BRD3: variants seen among roughly 807,000 people sequenced by gnomAD.
BRD3 encodes bromodomain-containing protein 3.
BRD3 carries 17 observed loss-of-function variants against 66.8 expected under a neutral mutation model. The observed-to-expected ratio is 0.25, with a 90% CI of 0.17 to 0.38. The LOEUF (loss-of-function observed/expected upper bound fraction) is 0.38, where lower values mean the gene tolerates loss of function less well. BRD3 is among the 10% of genes least tolerant of loss of function. The pLI, the probability that BRD3 is intolerant of heterozygous loss-of-function variation, is 1.00. For synonymous variants in BRD3, 421 were observed against 393.2 expected (o/e 1.07, Z -0.84); for missense variants, 713 against 956.1 (o/e 0.75, Z 3.35).
Position 134,051,893 on chromosome 9 carries a change from T to G in BRD3, c.352-184A>C, listed in dbSNP as rs1337750267. ...TGTGTGTGTGTTGTTTTTTTTGTTTTTTTTTTTTTTTTTTTGAGATGGAGT... is the reference window on the plus strand; with the variant it reads ...TGTGTGTGTGTTGTTTTTTTTGTTTGTTTTTTTTTTTTTTTGAGATGGAGT... On this transcript the variant is annotated intron_variant, in intron 3 of 11. Transcript: ENST00000303407. Among the ~76,000 whole-genome samples, 98 of 108,450 alleles carry G rather than the reference T, an allele frequency of 9.0e-4. 1 individual carries two copies. The highest frequency in any genetic ancestry group is 1.3e-3 in the Non-Finnish European group (71 of 54,064). The allele number at this position is 108,450 out of a possible 152,430, so 71.1% of individuals were successfully genotyped here. A position where few individuals can be genotyped will look rare whatever the true frequency, so the allele number is the denominator to read the frequency against.
intron 1 of BRD3, among the ~76,000 whole-genome samples, chr9:134,062,988 T>C (rs931110763): frequency 5.9e-5 from 9 of 152,150 alleles, no homozygotes; most frequent in African/African-American, 2.2e-4. Flanking sequence ...CTAGCATCCA[T>C]CTGTCTGCTC....
At chr9:134,039,993 G>T in intron 9 of BRD3, 41 bp downstream of exon 9, 1 of 1,554,336 alleles carries the variant, frequency 6.4e-7, no homozygotes, top group South Asian at 1.2e-5. Context: ...ATGGCGTGCT[G>T]AGCGCTGGGC....
At chr9:134,065,549 C>A (rs971559100) in intron 1 of BRD3, among the ~76,000 whole-genome samples, 2 of 152,178 alleles carry the variant, frequency 1.3e-5, no homozygotes, top group African/African-American at 4.8e-5. Context: ...GCGTTAACTG[C>A]TTTGAAAACC....
At chr9:134,037,906 T>C (rs1386478470) in intron 9 of BRD3, among the ~76,000 whole-genome samples, 2 of 152,146 alleles carry the variant, frequency 1.3e-5, no homozygotes, top group Non-Finnish European at 1.5e-5. Flanking sequence ...TGTCCATAAG[T>C]TTGACAATCC....
rs1331914239 is a variant in BRD3 at position 134,040,204 on chromosome 9, C to A, written c.1473G>T (p.Lys491Asn). ...TCTTCTCCTTCTCCTTCTTCTCCTTCTTCTTCTTTGGTTTGTTTACTGGGG... is the reference window on the plus strand; with the variant it reads ...TCTTCTCCTTCTCCTTCTTCTCCTTATTCTTCTTTGGTTTGTTTACTGGGG... Reference protein sequence around the residue: ...SQAPVNKPKKKKEKKEKEKKK... With the variant: ...SQAPVNKPKKNKEKKEKEKKK... Residue 491 changes from lysine to asparagine, a missense_variant, in exon 9 of 12, where the codon AAG becomes AAT. Coordinates refer to ENST00000303407, the MANE Select transcript of BRD3 (RefSeq NM_007371.4). The A allele has an allele frequency of 6.3e-7, 1 of 1,581,010 alleles. No individual in the cohort carries two copies. The highest frequency in any genetic ancestry group is 2.3e-5 in the East Asian group (1 of 43,516).
intron 1 of BRD3, among the ~76,000 whole-genome samples, chr9:134,064,530 T>C (rs1830607672): frequency 6.6e-6 from 1 of 151,744 alleles, no homozygotes; most frequent in African/African-American, 2.4e-5. Context: ...AACAGAGTGA[T>C]ACTCTGTCTC....
chr9:134,032,762 G>A lies in BRD3; in HGVS notation c.*828C>T, dbSNP rs1270793004. On this transcript the variant is annotated 3_prime_UTR_variant, in exon 12 of 12. Coordinates refer to ENST00000303407, the MANE Select transcript of BRD3 (RefSeq NM_007371.4). ...AAGGGTGGCGCGGCAGCAGCAGCAG[G>A]GGCAGCGCTAGCCAGGCGGGGACTC... 3 of 245,772 alleles carry A rather than the reference G, an allele frequency of 1.2e-5. No individual in the cohort carries two copies. The highest frequency in any genetic ancestry group is 5.9e-5 in the East Asian group (1 of 16,834). The allele number at this position is 245,772 out of a possible 1,614,324, so 15.2% of individuals were successfully genotyped here.
intron 5 of BRD3, 89 bp downstream of exon 5, chr9:134,050,285 T>C (rs1038293467): frequency 6.1e-6 from 8 of 1,305,966 alleles, no homozygotes; most frequent in Non-Finnish European, 8.6e-6. Flanking sequence ...CAGGGAAAGG[T>C]GGGGGCCCCC....
chr9:134,052,649 A>G (rs1385209448), intron 2 of BRD3, among the ~76,000 whole-genome samples: 1 of 152,130 alleles, frequency 6.6e-6, no homozygotes, highest in Admixed American at 6.5e-5. Context: ...TCCAGACCCC[A>G]AGCATGTGCA....
chr9:134,059,204 C>A (rs1215158961), intron 1 of BRD3, among the ~76,000 whole-genome samples: 1 of 152,212 alleles, frequency 6.6e-6, no homozygotes, highest in Non-Finnish European at 1.5e-5. Context: ...CCCAGAGCTG[C>A]CCCCGCCCGC....
chr9:134,067,792 G>T (rs1179951024), intron 1 of BRD3, among the ~76,000 whole-genome samples, 153 bp downstream of exon 1: 7 of 144,278 alleles, frequency 4.9e-5, no homozygotes, highest in Non-Finnish European at 1.1e-4. Flanking sequence ...CAAAGGCGGC[G>T]GCGGCGGCGG....
At chr9:134,039,098 T>C (rs938338852) in intron 9 of BRD3, among the ~76,000 whole-genome samples, 7 of 152,086 alleles carry the variant, frequency 4.6e-5, no homozygotes, top group Non-Finnish European at 8.8e-5. Flanking sequence ...GGCCTGGCCA[T>C]GCCGCCTCCC....
chr9:134,033,456 G>A lies in BRD3; in HGVS notation c.*134C>T, dbSNP rs1201949622. The A allele has an allele frequency of 6.9e-6, 4 of 582,308 alleles. No homozygotes were observed. In the African/African-American group the frequency reaches 7.5e-5, roughly 11 times the overall value. The allele number at this position is 582,308 out of a possible 1,614,324, so 36.1% of individuals were successfully genotyped here. A position where few individuals can be genotyped will look rare whatever the true frequency, so the allele number is the denominator to read the frequency against. ...CTCTGACCTATGAAAGCAAAAACTG[G>A]AAGATATCATAACACTGAATTAAGA... On this transcript the variant is annotated 3_prime_UTR_variant, in exon 12 of 12. Coordinates refer to ENST00000303407, the MANE Select transcript of BRD3 (RefSeq NM_007371.4). This position sits in a 1 kb window ranked among gnomAD's most constrained non-coding sequence, Gnocchi z 5.1.
upstream of BRD3, chr9:134,068,182 G>GCCCCCGCCC (rs1830713911): frequency 6.9e-6 from 1 of 144,212 alleles, no homozygotes. Flanking sequence ...CCGCCCCGGG[G>GCCCCCGCCC]GCCCCCGCCC....
At chr9:134,049,425 G>A (rs954054936) in intron 5 of BRD3, among the ~76,000 whole-genome samples, 2 of 152,214 alleles carry the variant, frequency 1.3e-5, no homozygotes, top group African/African-American at 4.8e-5. Flanking sequence ...GCCCAGCCAA[G>A]CCGCCGCCCT....
At chr9:134,059,704 G>A (rs1830498406) in intron 1 of BRD3, among the ~76,000 whole-genome samples, 1 of 152,214 alleles carries the variant, frequency 6.6e-6, no homozygotes. Flanking sequence ...CTGTGAGCAT[G>A]TACAGTGCAG....
intron 9 of BRD3, among the ~76,000 whole-genome samples, chr9:134,038,194 G>T (rs189511466): frequency 2.0e-5 from 3 of 151,820 alleles, no homozygotes; most frequent in Non-Finnish European, 4.4e-5. Context: ...TTGCTCTGTC[G>T]CCCAGGCTGG....
At position 134,031,115 on chromosome 9, in the gene BRD3, G is replaced by A. The variant is rs1843504995; in HGVS notation, c.*2475C>T. 3 of 229,170 alleles carry A rather than the reference G, an allele frequency of 1.3e-5. No homozygotes were observed. The South Asian group carries it at 5.5e-4, about 42-fold the overall frequency. The allele number at this position is 229,170 out of a possible 1,614,324, so 14.2% of individuals were successfully genotyped here. The stretch of plus-strand genomic sequence containing the variant: ...TTAAAAAAGTGACAGCACCAATGCA[G>A]CTGCTCAGTGTACCCGCCGTGGGCT... On this transcript the variant is annotated 3_prime_UTR_variant, in exon 12 of 12. Coordinates refer to ENST00000303407, the MANE Select transcript of BRD3 (RefSeq NM_007371.4).
intron 2 of BRD3, among the ~76,000 whole-genome samples, 176 bp downstream of exon 2, chr9:134,053,089 C>T (rs114455205): frequency 0.013 from 1,971 of 152,344 alleles, 31 homozygotes; most frequent in African/African-American, 0.031. Context: ...CACTCTCCCA[C>T]GCCCATGTGG....
Sources: gnomAD v4.1 joint callset for allele counts (sites outside exome capture counted in the v4.1 genomes callset) on GRCh38, gnomAD v4.1.1 for gene constraint, Gnocchi (gnomAD v3.1) non-coding constraint, MANE v1.5 for transcripts, NCBI Gene and HGNC (gene_info 2026-07-23, HGNC 2026-07-21) for gene names.